TBC1D16: variants seen among roughly 807,000 people sequenced by gnomAD.
TBC1D16 encodes CTD-2529O21.1.
A neutral mutation model predicts 74.7 loss-of-function variants in TBC1D16; 58 were observed. The ratio of observed to expected loss-of-function variants is 0.78; its 90% CI spans 0.63 to 0.97. TBC1D16 has a LOEUF of 0.97. TBC1D16 is among the 50% of genes least tolerant of loss of function. The pLI is 0.00. For missense variants in TBC1D16, 1,014 were observed against 1,079.5 expected, an observed-to-expected ratio of 0.94 and a Z score of 0.85; for synonymous variants, 493 against 474.7, an observed-to-expected ratio of 1.04 and a Z score of -0.50.
chr17:80,030,953 C>T (rs1282871995), intron 1 of TBC1D16, among the ~76,000 whole-genome samples: 2 of 152,236 alleles, frequency 1.3e-5, no homozygotes, highest in Admixed American at 6.5e-5. Flanking sequence ...AGGGAAACAG[C>T]GACACCTTAT....
intron 3 of TBC1D16, among the ~76,000 whole-genome samples, chr17:79,974,303 A>C (rs1045601959): frequency 6.6e-6 from 1 of 151,954 alleles, no homozygotes; most frequent in African/African-American, 2.4e-5. Context: ...CAGTGGTGCA[A>C]TCTCGGTTCA....
chr17:79,947,877 C>T (rs754453438), intron 8 of TBC1D16, 46 bp from the exon 9 acceptor site: 44 of 1,530,524 alleles, frequency 2.9e-5, no homozygotes, highest in Non-Finnish European at 3.8e-5. Context: ...ACCCTCACCG[C>T]GGCACACTGC....
At chr17:80,006,226 TTCTC>T (rs113353447) in intron 3 of TBC1D16, among the ~76,000 whole-genome samples, 161 of 148,840 alleles carry the variant, frequency 1.1e-3, no homozygotes, top group African/African-American at 2.2e-3. Context: ...CTCTCTTTCT[TTCTC>T]TCTCTCTCTC....
At position 79,994,921 on chromosome 17, in the gene TBC1D16, G is replaced by C. The variant is rs2035210961; in HGVS notation, c.779+15239C>G. 6.6e-6 allele frequency among the ~76,000 whole-genome samples: 1 copy of C among 152,208 alleles called. No individual in the cohort carries two copies. The highest frequency in any genetic ancestry group is 6.5e-5 in the Admixed American group (1 of 15,276). ...GGCCGTGTATACTGATCCCACATTGGAATGATACTATTTTGAACAAGCTGG... is the reference window on the plus strand; with the variant it reads ...GGCCGTGTATACTGATCCCACATTGCAATGATACTATTTTGAACAAGCTGG... On this transcript the variant is annotated intron_variant, in intron 3 of 11. Coordinates refer to ENST00000310924, the MANE Select transcript of TBC1D16 (RefSeq NM_019020.4). This position sits in a 1 kb window ranked among gnomAD's most constrained non-coding sequence, Gnocchi z 4.6.
Position 79,939,213 on chromosome 17 carries a change from T to C in TBC1D16, c.*1646A>G, listed in dbSNP as rs773976392. On this transcript the variant is annotated 3_prime_UTR_variant, in exon 12 of 12. Transcript: ENST00000310924. ...CCATTCCCACCACAGGATCCCCCAC[T>C]GCTAGACAGCAATGGTCGGTACCCC... is the stretch of plus-strand genomic sequence containing the variant. 1.3e-5 allele frequency: 2 copies of C among 152,298 alleles called. No individual in the cohort carries two copies. The highest frequency in any genetic ancestry group is 2.9e-5 in the Non-Finnish European group (2 of 68,104). The allele number at this position is 152,298 out of a possible 1,614,324, so 9.4% of individuals were successfully genotyped here.
In TBC1D16 at chr17:79,949,757, G is replaced by T; in HGVS notation, c.1366C>A (p.Leu456Met). ...TCAGAGTACTCCTTTCGCTTCTGCA[G>T]CCGCAGCGCCTCCCGCTCCTCCGAC... ...STSEEREALR[L>M]QKRKEYSEIQ... Residue 456 changes from leucine to methionine, a missense_variant, in exon 7 of 12, where the codon CTG becomes ATG. Leu to Met is a conservative substitution (Grantham distance 15). Transcript: ENST00000310924. The T allele has an allele frequency of 6.8e-6, 11 of 1,613,358 alleles. No homozygotes were observed. The highest frequency in any genetic ancestry group is 9.3e-6 in the Non-Finnish European group (11 of 1,179,858).
At position 79,950,623 on chromosome 17, in the gene TBC1D16, C is replaced by G. The variant is rs772051034; in HGVS notation, c.1090-45G>C. On this transcript the variant is annotated intron_variant, in intron 5 of 11. Coordinates refer to ENST00000310924, the MANE Select transcript of TBC1D16 (RefSeq NM_019020.4). This position sits in a 1 kb window ranked among gnomAD's most constrained non-coding sequence, Gnocchi z 4.6. ...GGCAAAGGTCAGGATCTCAGCCGCGCGGCTTCAGAGGCCAGCAGTGCTTTT... is the reference window on the plus strand; with the variant it reads ...GGCAAAGGTCAGGATCTCAGCCGCGGGGCTTCAGAGGCCAGCAGTGCTTTT... 4.4e-6 allele frequency: 7 copies of G among 1,594,286 alleles called. No individual in the cohort carries two copies. Among genetic ancestry groups the G allele is most frequent in the Non-Finnish European group, 6.0e-6 (7 of 1,170,628 alleles).
At position 80,019,805 on chromosome 17, in the gene TBC1D16, C is replaced by T. The variant is rs565721190; in HGVS notation, c.-62-6196G>A. Among the ~76,000 whole-genome samples, 83 of 149,774 alleles carry T rather than the reference C, an allele frequency of 5.5e-4. 13 individuals carry two copies. The highest frequency in any genetic ancestry group is 2.1e-3 in the African/African-American group (82 of 39,238). ...ATAATGAATGAGTTAATGAAAAACC[C>T]ACTCCTTGGAATTATATCATATCTT... is the stretch of plus-strand genomic sequence containing the variant. On this transcript the variant is annotated intron_variant, in intron 1 of 11. Coordinates refer to ENST00000310924, the MANE Select transcript of TBC1D16 (RefSeq NM_019020.4).
In TBC1D16 at chr17:79,990,997, G is replaced by A. The variant is rs1247103030; in HGVS notation, c.779+19163C>T. ...CACCGCGTTTCTCTAGTCACCCGTC[G>A]GGGGAACTTGGACGCTTTCACCATG... On this transcript the variant is annotated intron_variant, in intron 3 of 11. Coordinates refer to ENST00000310924, the MANE Select transcript of TBC1D16 (RefSeq NM_019020.4). This position sits in a 1 kb window ranked among gnomAD's most constrained non-coding sequence, Gnocchi z 4.8. Among the ~76,000 whole-genome samples, 2 of 152,348 alleles carry A rather than the reference G, an allele frequency of 1.3e-5. No individual in the cohort carries two copies. Among genetic ancestry groups the A allele is most frequent in the South Asian group, 2.1e-4 (1 of 4,830 alleles).
chr17:79,953,078 C>T (rs372834826), intron 3 of TBC1D16: 20 of 326,506 alleles, frequency 6.1e-5, no homozygotes, highest in East Asian at 6.0e-4. Flanking sequence ...AAGTCATCAT[C>T]GTCCTGACAG....
At position 80,009,032 on chromosome 17, in the gene TBC1D16, C is replaced by T. The variant is rs547670999; in HGVS notation, c.779+1128G>A. Among the ~76,000 whole-genome samples, 117 of 152,310 alleles carry T rather than the reference C, an allele frequency of 7.7e-4. No individual in the cohort carries two copies. Among genetic ancestry groups the T allele is most frequent in the African/African-American group, 2.2e-3 (91 of 41,570 alleles). On this transcript the variant is annotated intron_variant, in intron 3 of 11. Transcript: ENST00000310924. This position sits in a 1 kb window ranked among gnomAD's most constrained non-coding sequence, Gnocchi z 5.4. ...GGCAAGCTGCTGACCTTCTCCGAGC[C>T]GCCCTTTCCCCTTCGATAGCAGGGG... is the stretch of plus-strand genomic sequence containing the variant.
chr17:79,993,369 G>A lies in TBC1D16; in HGVS notation c.779+16791C>T, dbSNP rs2035147204. Among the ~76,000 whole-genome samples, 1 of 152,218 alleles carries A rather than the reference G, an allele frequency of 6.6e-6. No homozygotes were observed. The highest frequency in any genetic ancestry group is 2.4e-5 in the African/African-American group (1 of 41,450). ...TGATGGTCAGGGAACCTTACTTTCA[G>A]GTCCCCAAAGCAGATTCCCTGAGGC... On this transcript the variant is annotated intron_variant, in intron 3 of 11. Transcript: ENST00000310924. This position sits in a 1 kb window ranked among gnomAD's most constrained non-coding sequence, Gnocchi z 5.1.
intron 2 of TBC1D16, among the ~76,000 whole-genome samples, chr17:80,011,999 G>A (rs757612117): frequency 9.2e-5 from 14 of 152,096 alleles, no homozygotes; most frequent in Non-Finnish European, 1.5e-4. Context: ...GATTTCTCCT[G>A]GGCCAGAGCA....
Position 79,947,796 on chromosome 17 carries a change from G to A in TBC1D16, c.1577C>T (p.Ala526Val). The change falls in exon 9 of 12, where the codon GCC (alanine) becomes GTC (valine). Residue 526 changes from alanine to valine, a missense_variant. Physicochemically the swap from Ala to Val is moderately conservative, Grantham distance 64. Coordinates refer to ENST00000310924, the MANE Select transcript of TBC1D16 (RefSeq NM_019020.4). ...CGACATCCCTTGGGAATAGCCGACG[G>A]CAGGGTTGTACACGGCGTAGTTCAG... is the stretch of plus-strand genomic sequence containing the variant. ...ILLNYAVYNP[A>V]VGYSQGMSDL... 1 of 1,613,752 alleles carries A rather than the reference G, an allele frequency of 6.2e-7. No homozygotes were observed.
chr17:79,973,926 G>A (rs375508119), intron 3 of TBC1D16, among the ~76,000 whole-genome samples: 11 of 152,178 alleles, frequency 7.2e-5, no homozygotes, highest in South Asian at 4.1e-4. Flanking sequence ...ACCAGAGGTC[G>A]TAGCAACCTC....
At position 80,010,555 on chromosome 17, in the gene TBC1D16, C is replaced by T. The variant is rs917034098; in HGVS notation, c.384G>A (p.Thr128=). 3.1e-6 allele frequency: 5 copies of T among 1,605,878 alleles called. No individual in the cohort carries two copies. The highest frequency in any genetic ancestry group is 1.1e-5 in the South Asian group (1 of 89,698). Residue 128 remains threonine, a synonymous_variant, in exon 3 of 12, where the codon ACG becomes ACA. Transcript: ENST00000310924. The surrounding 1 kb of genome is among the most constrained non-coding windows in gnomAD (Gnocchi z 8.8). ...TGGGGGTCAGGGTAGGCCGCAGCTC[C>T]GTCGGGGAGGGCTGGTGGGAGGCTC... ...SSGASHQPSP[T]ELRPTLTPKD...
At position 79,980,393 on chromosome 17, in the gene TBC1D16, C is replaced by T. The variant is rs543983731; in HGVS notation, c.780-27575G>A. Among the ~76,000 whole-genome samples, 153 of 152,272 alleles carry T rather than the reference C, an allele frequency of 1.0e-3. No individual in the cohort carries two copies. The highest frequency in any genetic ancestry group is 1.5e-3 in the Admixed American group (23 of 15,302). ...ACAAGCCGGAGCTTTCCTTCCTTCC[C>T]GGAGGAACAAGACACTAAGAAGAGG... On this transcript the variant is annotated intron_variant, in intron 3 of 11. Transcript: ENST00000310924. The surrounding 1 kb of genome is among the most constrained non-coding windows in gnomAD (Gnocchi z 7.0).
rs2035493180 is a variant in TBC1D16 at position 80,001,750 on chromosome 17, G to A, written c.779+8410C>T. On this transcript the variant is annotated intron_variant, in intron 3 of 11. Transcript: ENST00000310924. The surrounding 1 kb of genome is among the most constrained non-coding windows in gnomAD (Gnocchi z 5.8). ...CCCTGGTCCCTGCTGCTGCTGGAGTGGCCCCTAAGACACGCACGGCCCACC... is the reference window on the plus strand; with the variant it reads ...CCCTGGTCCCTGCTGCTGCTGGAGTAGCCCCTAAGACACGCACGGCCCACC... Among the ~76,000 whole-genome samples the A allele has an allele frequency of 6.6e-6, 1 of 151,948 alleles. No homozygotes were observed. Among genetic ancestry groups the A allele is most frequent in the Admixed American group, 6.6e-5 (1 of 15,250 alleles).
At chr17:80,028,911 C>T (rs867209338) in intron 1 of TBC1D16, among the ~76,000 whole-genome samples, 2 of 152,204 alleles carry the variant, frequency 1.3e-5, no homozygotes, top group Admixed American at 6.5e-5. Flanking sequence ...CGCCCCGAGC[C>T]GACCAGTTGA....
Sources: allele counts gnomAD v4.1 joint callset (sites outside exome capture counted in the v4.1 genomes callset), GRCh38; gene constraint gnomAD v4.1.1; non-coding constraint Gnocchi (gnomAD v3.1); transcripts MANE v1.5; gene names NCBI Gene and HGNC (gene_info 2026-07-23, HGNC 2026-07-21).